EXOC2: variants seen among roughly 807,000 people sequenced by gnomAD.
The protein encoded by EXOC2 is exocyst complex component 2.
EXOC2 carries 70 observed loss-of-function variants against 131.8 expected under a neutral mutation model. That is an observed-to-expected ratio of 0.53 (90% CI 0.44 to 0.65). The LOEUF is 0.65. EXOC2 is among the 30% of genes least tolerant of loss of function. The pLI, the probability that EXOC2 is intolerant of heterozygous loss-of-function variation, is 0.00. For synonymous variants in EXOC2, 411 were observed against 398.4 expected, an observed-to-expected ratio of 1.03 and a Z score of -0.38; for missense variants, 923 against 1,108.6, an observed-to-expected ratio of 0.83 and a Z score of 2.38.
intron 10 of EXOC2, among the ~76,000 whole-genome samples, chr6:594,627 T>C (rs896129925): frequency 1.3e-5 from 2 of 152,260 alleles, no homozygotes; most frequent in Admixed American, 6.5e-5. Flanking sequence ...TTTTACATTA[T>C]ACGTCTCTTT....
At chr6:538,837 GC>G (rs1304028757) in intron 22 of EXOC2, among the ~76,000 whole-genome samples, 1 of 152,188 alleles carries the variant, frequency 6.6e-6, no homozygotes, top group African/African-American at 2.4e-5. Context: ...ACGCTGGGAG[GC>G]TGAGGCGGGT....
chr6:598,289 A>G (rs988345793), intron 9 of EXOC2, among the ~76,000 whole-genome samples, 166 bp from the exon 10 acceptor site: 2 of 152,232 alleles, frequency 1.3e-5, no homozygotes, highest in Non-Finnish European at 2.9e-5. Flanking sequence ...AAGGGTGTAC[A>G]TATTTGTCAA....
chr6:663,165 C>T (rs1270431236), intron 1 of EXOC2, among the ~76,000 whole-genome samples: 1 of 152,278 alleles, frequency 6.6e-6, no homozygotes, highest in Non-Finnish European at 1.5e-5. Flanking sequence ...CTAATATGAA[C>T]ACCTTTACAC....
Position 497,414 on chromosome 6 carries a change from G to A in EXOC2, c.2512C>T (p.Arg838Ter), listed in dbSNP as rs1054082684. Residue 838 changes from arginine (R) to a stop codon, truncating the protein, a stop_gained, in exon 25 of 28, where the codon CGA (arginine) becomes TGA (stop). Coordinates refer to ENST00000230449, the MANE Select transcript of EXOC2 (RefSeq NM_018303.6). LOFTEE classifies it high-confidence loss of function. The stretch of plus-strand genomic sequence containing the variant: ...AAGGATGAAACACACTGCATCAGTC[G>A]ACTGAGCTCTTCAGAAACTGCTTCT... Reference protein sequence around the residue: ...VIEAVSEELSRLMQCVSSFSK... With the variant: ...VIEAVSEELS 2.5e-6 allele frequency: 4 copies of A among 1,613,894 alleles called. No homozygotes were observed. Among genetic ancestry groups the A allele is most frequent in the Admixed American group, 3.3e-5 (2 of 60,006 alleles).
At chr6:628,481 G>C (rs1485963396) in intron 4 of EXOC2, among the ~76,000 whole-genome samples, 1 of 152,242 alleles carries the variant, frequency 6.6e-6, no homozygotes, top group Non-Finnish European at 1.5e-5. Context: ...TGGGGAGGTA[G>C]AGAGAACAGG....
intron 22 of EXOC2, among the ~76,000 whole-genome samples, chr6:545,991 C>G (rs2127560738): frequency 6.6e-6 from 1 of 152,028 alleles, no homozygotes; most frequent in Middle Eastern, 3.4e-3. Flanking sequence ...CTTTTTTTCT[C>G]AAATTCCTTT....
chr6:585,814 C>G (rs1031168381), intron 11 of EXOC2, among the ~76,000 whole-genome samples: 2 of 152,180 alleles, frequency 1.3e-5, no homozygotes, highest in Non-Finnish European at 2.9e-5. Flanking sequence ...TATAGTCTAT[C>G]CATTTAAAAT....
At chr6:642,836 T>G (rs73373826) in intron 1 of EXOC2, among the ~76,000 whole-genome samples, 2 of 151,826 alleles carry the variant, frequency 1.3e-5, no homozygotes, top group Non-Finnish European at 2.9e-5. Context: ...AATATAGTTA[T>G]AGAAATAGAT....
Position 567,851 on chromosome 6 carries a change from C to T in EXOC2, c.1444-2922G>A, listed in dbSNP as rs761864857. ...CTGCCCCAAACGCTCTGGGTCCCGACATGAGAGTGGCCCCGGGAGGCAGAT... is the reference window on the plus strand; with the variant it reads ...CTGCCCCAAACGCTCTGGGTCCCGATATGAGAGTGGCCCCGGGAGGCAGAT... On this transcript the variant is annotated intron_variant, in intron 13 of 27. Coordinates refer to ENST00000230449, the MANE Select transcript of EXOC2 (RefSeq NM_018303.6). Among the ~76,000 whole-genome samples the T allele has an allele frequency of 2.6e-5, 4 of 152,202 alleles. No homozygotes were observed. In the South Asian group the frequency reaches 6.2e-4, roughly 24 times the overall value.
intron 25 of EXOC2, among the ~76,000 whole-genome samples, chr6:495,648 C>T (rs559857902): frequency 1.2e-4 from 18 of 152,312 alleles, no homozygotes; most frequent in Middle Eastern, 3.4e-3. Flanking sequence ...ATCGCGTCCT[C>T]GATGACGTGT....
At chr6:564,724 T>A in intron 14 of EXOC2, 22 bp from the exon 15 acceptor site, 1 of 1,585,648 alleles carries the variant, frequency 6.3e-7, no homozygotes, top group Non-Finnish European at 8.6e-7. Flanking sequence ...GGAACAAGCA[T>A]AACCGTGTTC....
intron 1 of EXOC2, among the ~76,000 whole-genome samples, chr6:651,358 TA>T (rs1264090305): frequency 6.6e-6 from 1 of 152,228 alleles, no homozygotes; most frequent in East Asian, 1.9e-4. Context: ...ATCTTGCATT[TA>T]AAGTCTACAA....
intron 23 of EXOC2, among the ~76,000 whole-genome samples, chr6:503,736 G>A (rs994353584): frequency 7.9e-5 from 12 of 152,176 alleles, no homozygotes; most frequent in South Asian, 4.1e-4. Context: ...GATAGTGTCC[G>A]TGTCTGGGAA....
At chr6:531,864 C>T (rs1005581763) in intron 23 of EXOC2, among the ~76,000 whole-genome samples, 1 of 152,162 alleles carries the variant, frequency 6.6e-6, no homozygotes, top group Non-Finnish European at 1.5e-5. Flanking sequence ...ACTATTTGAT[C>T]AATCAAAAGT....
At chr6:542,501 T>C (rs1240209007) in intron 22 of EXOC2, among the ~76,000 whole-genome samples, 2 of 152,168 alleles carry the variant, frequency 1.3e-5, no homozygotes, top group African/African-American at 4.8e-5. Context: ...TGGGCTTTGG[T>C]GGACGATCAA....
chr6:599,373 G>C (rs1388914249), intron 7 of EXOC2, 148 bp from the exon 8 acceptor site: 1 of 730,970 alleles, frequency 1.4e-6, no homozygotes. Context: ...GATCTTTTAT[G>C]GTTTGCTAAA....
At chr6:564,460 T>TA in intron 15 of EXOC2, 85 bp downstream of exon 15, 2 of 1,531,582 alleles carry the variant, frequency 1.3e-6, no homozygotes, top group Non-Finnish European at 1.8e-6. Context: ...AAGAAGAATT[T>TA]CTTCTTCACT....
At chr6:497,272 A>G in intron 25 of EXOC2, 95 bp downstream of exon 25, 1 of 1,146,644 alleles carries the variant, frequency 8.7e-7, no homozygotes, top group Non-Finnish European at 1.3e-6. Context: ...ATCCATTAAA[A>G]GAAGCCTGTC....
chr6:493,880 C>G (rs1763574636), intron 25 of EXOC2, among the ~76,000 whole-genome samples: 1 of 152,308 alleles, frequency 6.6e-6, no homozygotes, highest in Non-Finnish European at 1.5e-5. Context: ...AATTTTCCAG[C>G]TAATTCTGAG....
Sources: allele counts gnomAD v4.1 joint callset (sites outside exome capture counted in the v4.1 genomes callset), GRCh38; gene constraint gnomAD v4.1.1; transcripts MANE v1.5; gene names NCBI Gene and HGNC (gene_info 2026-07-23, HGNC 2026-07-21).